LMTK3: variants seen among roughly 807,000 people sequenced by gnomAD.
The protein encoded by LMTK3 is serine/threonine-protein kinase LMTK3.
In LMTK3, 27 loss-of-function variants were observed where a neutral mutation model predicts 116.7. The ratio of observed to expected loss-of-function variants is 0.23; its 90% CI spans 0.17 to 0.32. The LOEUF (loss-of-function observed/expected upper bound fraction) is 0.32. Ranked by LOEUF, LMTK3 falls within the 10% of genes least tolerant of loss-of-function variation. LMTK3 has a pLI of 1.00. For missense variants in LMTK3, 1,764 were observed against 2,068.5 expected (o/e 0.85, Z 2.86); for synonymous variants, 965 against 971.0 (o/e 0.99, Z 0.11).
chr19:48,504,544 T>C (rs1972530747), intron 5 of LMTK3, among the ~76,000 whole-genome samples: 1 of 152,024 alleles, frequency 6.6e-6, no homozygotes, highest in Non-Finnish European at 1.5e-5. Context: ...TTTGATTTTA[T>C]TTTCACCCTG....
chr19:48,491,662 A>C lies in LMTK3; in HGVS notation c.4093-123T>G. 1.1e-6 allele frequency: 1 copy of C among 875,256 alleles called. No individual in the cohort carries two copies. The highest frequency in any genetic ancestry group is 1.5e-6 in the Non-Finnish European group (1 of 653,706). 54.2% of individuals were successfully genotyped at this position (875,256 alleles called of 1,614,324 possible). On this transcript the variant is annotated intron_variant, in intron 12 of 14. Transcript: ENST00000600059. The surrounding 1 kb of genome is among the most constrained non-coding windows in gnomAD (Gnocchi z 5.1). ...GCTCTAGGAATCCCAATTTGTAATC[A>C]CTGACTCGCACGCTCTGGAGAGGTG... is the stretch of plus-strand genomic sequence containing the variant.
At chr19:48,489,651 G>A (rs1972187542) in intron 14 of LMTK3, among the ~76,000 whole-genome samples, 2 of 152,186 alleles carry the variant, frequency 1.3e-5, no homozygotes, top group South Asian at 4.1e-4. Flanking sequence ...TGCATACTCG[G>A]GAGGATTAAG....
chr19:48,490,847 GT>G (rs1972209097), intron 14 of LMTK3, among the ~76,000 whole-genome samples: 1 of 152,190 alleles, frequency 6.6e-6, no homozygotes, highest in Non-Finnish European at 1.5e-5. Flanking sequence ...AGAGTCGGGG[GT>G]GGGGGTAATC....
Position 48,500,722 on chromosome 19 carries a change from T to C in LMTK3, c.1151+274A>G, listed in dbSNP as rs7409485. On this transcript the variant is annotated intron_variant, in intron 10 of 14. Transcript: ENST00000600059. This position sits in a 1 kb window ranked among gnomAD's most constrained non-coding sequence, Gnocchi z 4.0. ...TGGGAACGGCTGGTGAGGGTAGTGG[T>C]GTCCCTGTTTGCGCTGTGAGCTCTG... Among the ~76,000 whole-genome samples the C allele has an allele frequency of 5.2e-3, 799 of 152,206 alleles. 6 individuals carry two copies. Among genetic ancestry groups the C allele is most frequent in the Non-Finnish European group, 9.4e-3 (636 of 67,990 alleles).
rs1230020627 is a variant in LMTK3 at position 48,498,154 on chromosome 19, T to C, written c.2915A>G (p.Lys972Arg). 6.2e-7 allele frequency: 1 copy of C among 1,613,502 alleles called. No individual in the cohort carries two copies. The highest frequency in any genetic ancestry group is 1.7e-5 in the Admixed American group (1 of 59,994). ...GELTPPRREEKALENGELRSP... is the reference protein window; with the variant it reads ...GELTPPRREERALENGELRSP... ...CCTCAGCTCCCCATTCTCCAGCGCT[T>C]TCTCCTCCCTCCTTGGGGGTGTCAG... The change falls in exon 11 of 15, where the codon AAA (lysine) becomes AGA (arginine). Residue 972 changes from lysine to arginine, a missense_variant. Lys to Arg is a conservative substitution (Grantham distance 26). Transcript: ENST00000600059.
In LMTK3 at chr19:48,498,603, C is replaced by T. The variant is rs969069458; in HGVS notation, c.2466G>A (p.Arg822=). ...AAEEEGVPRP[R]APPEPPDPGA... is the part of the protein sequence containing the mutation. Reference sequence around the variant, plus strand: ...CTGGGTCGGGTGGCTCGGGGGGAGCCCGCGGCCGAGGGACCCCTTCCTCCT... The same window carrying T: ...CTGGGTCGGGTGGCTCGGGGGGAGCTCGCGGCCGAGGGACCCCTTCCTCCT... The change falls in exon 11 of 15, where the codon CGG becomes CGA. Residue 822 remains arginine, a synonymous_variant. Coordinates refer to ENST00000600059, the MANE Select transcript of LMTK3 (RefSeq NM_001388485.1). The T allele has an allele frequency of 3.9e-6, 6 of 1,546,872 alleles. No homozygotes were observed. Among genetic ancestry groups the T allele is most frequent in the Non-Finnish European group, 4.4e-6 (5 of 1,145,518 alleles).
chr19:48,485,878 T>A, intron 14 of LMTK3, 89 bp from the exon 15 acceptor site: 2 of 1,320,854 alleles, frequency 1.5e-6, no homozygotes, highest in Admixed American at 2.3e-5. Context: ...AGCAAAGCCC[T>A]CACCCACCAT....
Position 48,493,784 on chromosome 19 carries a change from G to C in LMTK3, c.4002C>G (p.Arg1334=). The C allele has an allele frequency of 6.5e-7, 1 of 1,538,672 alleles. No homozygotes were observed. Among genetic ancestry groups the C allele is most frequent in the South Asian group, 1.2e-5 (1 of 83,682 alleles). The change falls in exon 12 of 15, where the codon CGC becomes CGG. Residue 1334 remains arginine, a synonymous_variant. Coordinates refer to ENST00000600059, the MANE Select transcript of LMTK3 (RefSeq NM_001388485.1). ...CGCTGTCCTCTGGCTCGTCGGCCCC[G>C]CGCGGAGACTTGAGCAGCCCCCGCA... ...RPLRGLLKSP[R]GADEPEDSEL...
intron 5 of LMTK3, among the ~76,000 whole-genome samples, chr19:48,505,131 T>A (rs1601055663): frequency 8.8e-6 from 1 of 113,272 alleles, no homozygotes; most frequent in East Asian, 2.5e-4. Context: ...TTTTTTTTTA[T>A]GAGACAGAGT....
Position 48,498,901 on chromosome 19 carries a change from G to T in LMTK3, c.2168C>A (p.Ala723Asp), listed in dbSNP as rs1449170685. The change falls in exon 11 of 15, where the codon GCC (alanine) becomes GAC (aspartate). Residue 723 changes from alanine to aspartate, a missense_variant. Ala to Asp is a moderately radical substitution (Grantham distance 126, BLOSUM62 -2). Transcript: ENST00000600059. ...ERGSLADLPMAPPASAPPEFL... is the reference protein window; with the variant it reads ...ERGSLADLPMDPPASAPPEFL... ...CTCGGGGGGGGCCGAGGCGGGGGGGGCCATGGGCAAGTCGGCCAGGGAGCC... is the reference window on the plus strand; with the variant it reads ...CTCGGGGGGGGCCGAGGCGGGGGGGTCCATGGGCAAGTCGGCCAGGGAGCC... 2.0e-5 allele frequency: 24 copies of T among 1,196,788 alleles called. No homozygotes were observed. The highest frequency in any genetic ancestry group is 2.5e-5 in the Non-Finnish European group (24 of 945,818). The allele number at this position is 1,196,788 out of a possible 1,614,324, so 74.1% of individuals were successfully genotyped here. A position where few individuals can be genotyped will look rare whatever the true frequency, so the allele number is the denominator to read the frequency against.
intron 1 of LMTK3, among the ~76,000 whole-genome samples, 160 bp from the exon 2 acceptor site, chr19:48,510,752 T>C (rs1232414051): frequency 6.6e-6 from 1 of 151,792 alleles, no homozygotes; most frequent in Non-Finnish European, 1.5e-5. Context: ...ATTGTGGGAG[T>C]TGTAGTTTGG....
In LMTK3 at chr19:48,499,514, A is replaced by C; in HGVS notation, c.1555T>G (p.Ser519Ala). 1 of 1,416,734 alleles carries C rather than the reference A, an allele frequency of 7.1e-7. No individual in the cohort carries two copies. The highest frequency in any genetic ancestry group is 9.3e-7 in the Non-Finnish European group (1 of 1,076,830). 87.8% of individuals were successfully genotyped at this position (1,416,734 alleles called of 1,614,324 possible). ...NPSNPFYEAL[S>A]TPSVLPVISA... ...ATGACAGGCAGCACGCTGGGCGTGG[A>C]CAGCGCCTCGTAGAAAGGGTTGGAG... Residue 519 changes from serine (S) to alanine (A), a missense_variant, in exon 11 of 15, where the codon TCC becomes GCC. Ser to Ala is a moderately conservative substitution (Grantham distance 99, BLOSUM62 1). Around this residue, in one of 7 missense-constraint regions of LMTK3, gnomAD observed 1,028 missense variants for 1,050.6 expected, o/e 0.98. Coordinates refer to ENST00000600059, the MANE Select transcript of LMTK3 (RefSeq NM_001388485.1).
chr19:48,494,035 G>T lies in LMTK3; in HGVS notation c.3751C>A (p.Pro1251Thr). The change falls in exon 12 of 15, where the codon CCC becomes ACC. Residue 1251 changes from proline to threonine, a missense_variant. This residue lies in a region of LMTK3 where 39 missense variants were observed against 75.4 expected (regional missense o/e 0.52). Coordinates refer to ENST00000600059, the MANE Select transcript of LMTK3 (RefSeq NM_001388485.1). The surrounding 1 kb of genome is among the most constrained non-coding windows in gnomAD (Gnocchi z 4.0). The part of the protein sequence containing the change: ...TPFPGPGPRR[P>T]PWEGADAGAA... ...CCGGCGTCCGCGCCCTCCCACGGGG[G>T]CCGCCGCGGGCCCGGCCCCGGGAAT... 27 of 1,159,442 alleles carry T rather than the reference G, an allele frequency of 2.3e-5. No individual in the cohort carries two copies. The highest frequency in any genetic ancestry group is 2.9e-5 in the Non-Finnish European group (27 of 942,424). The allele number at this position is 1,159,442 out of a possible 1,614,324, so 71.8% of individuals were successfully genotyped here. A position where few individuals can be genotyped will look rare whatever the true frequency, so the allele number is the denominator to read the frequency against.
intron 1 of LMTK3, among the ~76,000 whole-genome samples, chr19:48,511,281 CAT>C (rs773676559): frequency 6.6e-6 from 1 of 152,364 alleles, no homozygotes; most frequent in South Asian, 2.1e-4. Flanking sequence ...CGCATACACA[CAT>C]GTTGCCCAAA....
At chr19:48,503,559 G>C (rs546596660) in intron 5 of LMTK3, among the ~76,000 whole-genome samples, 2 of 151,562 alleles carry the variant, frequency 1.3e-5, no homozygotes, top group South Asian at 4.2e-4. Flanking sequence ...TCTCCTCCTC[G>C]TCCCCACAGC....
chr19:48,503,133 T>TCAAAA, intron 5 of LMTK3, 137 bp from the exon 6 acceptor site: 1 of 657,380 alleles, frequency 1.5e-6, no homozygotes, highest in South Asian at 1.8e-5. Flanking sequence ...AGACGGAGTC[T>TCAAAA]CGCTCTGTCG....
chr19:48,511,635 G>GGGGGGGGCCCGGC lies in LMTK3; in HGVS notation c.-60_-59insGCCGGGCCCCCCC. 1 of 478,654 alleles carries GGGGGGGGCCCGGC rather than the reference G, an allele frequency of 2.1e-6. No homozygotes were observed. The highest frequency in any genetic ancestry group is 3.7e-6 in the Non-Finnish European group (1 of 271,346). 29.7% of individuals were successfully genotyped at this position (478,654 alleles called of 1,614,324 possible). On this transcript the variant is annotated 5_prime_UTR_variant, in exon 1 of 15. Transcript: ENST00000600059. ...GCGGCTGGGGAGGAGGGGGGGGCGG[G>GGGGGGGGCCCGGC]CCCTCAGCCCCCAGCCATGGGGACC...
In LMTK3 at chr19:48,500,758, G is replaced by A. The variant is rs76483180; in HGVS notation, c.1151+238C>T. On this transcript the variant is annotated intron_variant, in intron 10 of 14. Transcript: ENST00000600059. The surrounding 1 kb of genome is among the most constrained non-coding windows in gnomAD (Gnocchi z 4.0). ...GCGCTGTGAGCTCTGGAATCAGACAGGTAAGAAGCAGGGACCTCTTAGGGT... is the reference window on the plus strand; with the variant it reads ...GCGCTGTGAGCTCTGGAATCAGACAAGTAAGAAGCAGGGACCTCTTAGGGT... Among the ~76,000 whole-genome samples, 4,538 of 152,290 alleles carry A rather than the reference G, an allele frequency of 0.03. 84 individuals carry two copies. Among genetic ancestry groups the A allele is most frequent in the South Asian group, 0.082 (395 of 4,828 alleles).
In LMTK3 at chr19:48,498,947, A is replaced by C; in HGVS notation, c.2122T>G (p.Ser708Ala). Residue 708 changes from serine to alanine, a missense_variant, in exon 11 of 15, where the codon TCC (serine) becomes GCC (alanine). Ser to Ala is a moderately conservative substitution (Grantham distance 99). Transcript: ENST00000600059. The part of the protein sequence containing the change: ...LGCPHPPEDD[S>A]SLRAERGSLA... ...GAGCCCCGCTCTGCCCGCAGCGAGG[A>C]GTCGTCCTCGGGGGGGTGGGGGCAG... The C allele has an allele frequency of 1.6e-6, 2 of 1,264,054 alleles. No homozygotes were observed. The highest frequency in any genetic ancestry group is 1.7e-5 in the African/African-American group (1 of 58,638). The allele number at this position is 1,264,054 out of a possible 1,614,324, so 78.3% of individuals were successfully genotyped here. A position where few individuals can be genotyped will look rare whatever the true frequency, so the allele number is the denominator to read the frequency against.
Sources: gnomAD v4.1 joint callset for allele counts (sites outside exome capture counted in the v4.1 genomes callset) on GRCh38, gnomAD v4.1.1 for gene constraint, gnomAD v4.1.1 regional missense constraint, Gnocchi (gnomAD v3.1) non-coding constraint, MANE v1.5 for transcripts, NCBI Gene and HGNC (gene_info 2026-07-23, HGNC 2026-07-21) for gene names.